The following NEXMIF variants were observed in gnomAD, a reference collection of about 807,000 sequenced individuals.
The protein encoded by NEXMIF is neurite extension and migration factor, also known as XLMR protein related to neurite extension.
A neutral mutation model predicts 62.1 loss-of-function variants in NEXMIF; 8 were observed. The ratio of observed to expected loss-of-function variants is 0.13; its 90% CI spans 0.08 to 0.23. The LOEUF is 0.23. Among genes scored for constraint, NEXMIF ranks in the 10% least tolerant of loss-of-function variants. NEXMIF has a pLI of 1.00. For synonymous variants in NEXMIF, 404 were observed against 416.6 expected (o/e 0.97, Z 0.37); for missense variants, 976 against 1,113.3 (o/e 0.88, Z 1.75).
At chrX:74,883,894 G>A (rs1284556613) in intron 1 of NEXMIF, among the ~76,000 whole-genome samples, 1 of 112,130 alleles carries the variant, frequency 8.9e-6, no homozygotes, top group Non-Finnish European at 1.9e-5. Context: ...GGCAGCCAGA[G>A]AGAAAGGTTG....
chrX:74,878,298 C>T (rs749731195), intron 1 of NEXMIF, among the ~76,000 whole-genome samples: 253 of 112,048 alleles, frequency 2.3e-3, no homozygotes, highest in African/African-American at 7.9e-3. Flanking sequence ...AGTTAGGCTG[C>T]TCAGGGGTCA....
At chrX:74,791,298 G>A (rs1179758247) in intron 1 of NEXMIF, among the ~76,000 whole-genome samples, 1 of 111,513 alleles carries the variant, frequency 9.0e-6, no homozygotes, top group Non-Finnish European at 1.9e-5. Flanking sequence ...TGTGTATATT[G>A]AACCAGCCTT....
At chrX:74,751,328 C>A (rs1439386277) in intron 1 of NEXMIF, among the ~76,000 whole-genome samples, 1 of 111,753 alleles carries the variant, frequency 8.9e-6, no homozygotes, top group South Asian at 3.8e-4. Context: ...GCTAGGTGTC[C>A]TCAGACAAGC....
chrX:74,852,073 A>G (rs547287655), intron 1 of NEXMIF, among the ~76,000 whole-genome samples: 7 of 111,408 alleles, frequency 6.3e-5, no homozygotes, highest in African/African-American at 2.3e-4. Flanking sequence ...ATAAGAACTC[A>G]TTTCACCTGT....
Position 74,874,209 on chromosome X carries a change from C to A in NEXMIF, c.-48+50674G>T, listed in dbSNP as rs1200187840. Among the ~76,000 whole-genome samples the A allele has an allele frequency of 9.2e-3, 1,003 of 109,503 alleles. 55 individuals are homozygous for A. Among genetic ancestry groups the A allele is most frequent in the Admixed American group, 0.087 (855 of 9,815 alleles). On this transcript the variant is annotated intron_variant, in intron 1 of 3. Transcript: ENST00000055682. The stretch of plus-strand genomic sequence containing the variant: ...GGGATCCAGTTTCAGCTTTCTACAT[C>A]TGGCTAGCCAGTTTTCCCAGCACCA...
Position 74,749,525 on chromosome X carries a change from T to C in NEXMIF, c.-47-3828A>G, listed in dbSNP as rs193022361. On this transcript the variant is annotated intron_variant, in intron 1 of 3. Coordinates refer to ENST00000055682, the MANE Select transcript of NEXMIF (RefSeq NM_001008537.3). ...AAATATTCTAACCCTCTCCACTCCC[T>C]TAATATTAAACCATTTGTTTTTGCT... 3.1e-3 allele frequency among the ~76,000 whole-genome samples: 348 copies of C among 111,007 alleles called. 2 individuals are homozygous for C. Among genetic ancestry groups the C allele is most frequent in the African/African-American group, 0.011 (341 of 30,495 alleles).
At chrX:74,874,367 C>A (rs1265369576) in intron 1 of NEXMIF, among the ~76,000 whole-genome samples, 29 of 106,068 alleles carry the variant, frequency 2.7e-4, no homozygotes, top group Admixed American at 2.5e-3. Flanking sequence ...TGTTTTGGTA[C>A]CAGTACCATG....
chrX:74,883,925 C>A (rs1213052744), intron 1 of NEXMIF, among the ~76,000 whole-genome samples: 1 of 112,038 alleles, frequency 8.9e-6, no homozygotes, highest in African/African-American at 3.2e-5. Context: ...AAAGGGAAGC[C>A]CATCAGACTA....
At position 74,742,674 on chromosome X, in the gene NEXMIF, C is replaced by A. The variant is rs747436946; in HGVS notation, c.1883G>T (p.Arg628Leu). 8.3e-7 allele frequency: 1 copy of A among 1,210,952 alleles called. No individual in the cohort carries two copies. The highest frequency in any genetic ancestry group is 1.1e-6 in the Non-Finnish European group (1 of 895,137). ...EVSFLPPARK[R>L]KSKLGNRHRI... ...GTGCCTGTTGCCAAGTTTAGATTTT[C>A]GTTTGCGAGCAGGTGGCAGAAATGA... The change falls in exon 3 of 4, where the codon CGA (arginine) becomes CTA (leucine). Residue 628 changes from arginine to leucine, a missense_variant. Arg to Leu is a moderately radical substitution (Grantham distance 102, BLOSUM62 -2). This residue lies in a region of NEXMIF where 639 missense variants were observed against 694.5 expected (regional missense o/e 0.92). Transcript: ENST00000055682.
intron 1 of NEXMIF, among the ~76,000 whole-genome samples, chrX:74,785,367 TATA>T (rs1395035860): frequency 9.0e-6 from 1 of 111,510 alleles, no homozygotes; most frequent in Non-Finnish European, 1.9e-5. Context: ...CTGCTCCCTA[TATA>T]ATCTTTTTTT....
chrX:74,866,596 C>T (rs1000875109), intron 1 of NEXMIF, among the ~76,000 whole-genome samples: 2 of 112,452 alleles, frequency 1.8e-5, no homozygotes, highest in African/African-American at 6.5e-5. Context: ...TGTGTCCCCA[C>T]GCAAATCTCA....
At chrX:74,885,970 C>T (rs940127221) in intron 1 of NEXMIF, among the ~76,000 whole-genome samples, 1 of 111,887 alleles carries the variant, frequency 8.9e-6, no homozygotes, top group African/African-American at 3.3e-5. Flanking sequence ...GTGCTTCATC[C>T]CTGGGATGCA....
intron 1 of NEXMIF, among the ~76,000 whole-genome samples, chrX:74,797,533 T>C (rs994098676): frequency 3.6e-5 from 4 of 112,314 alleles, no homozygotes; most frequent in African/African-American, 1.3e-4. Flanking sequence ...GTTAATAGTT[T>C]AAACAGATGT....
intron 1 of NEXMIF, among the ~76,000 whole-genome samples, chrX:74,839,836 C>T (rs1048522091): frequency 6.3e-5 from 7 of 111,954 alleles, no homozygotes; most frequent in Non-Finnish European, 1.3e-4. Flanking sequence ...TAGACTTATT[C>T]CATATCTTCA....
chrX:74,822,269 T>G (rs1000345196), intron 1 of NEXMIF, among the ~76,000 whole-genome samples: 1 of 111,961 alleles, frequency 8.9e-6, no homozygotes, highest in African/African-American at 3.2e-5. Context: ...ATCTTCTTGA[T>G]CTTGGTTAGA....
chrX:74,806,042 T>C (rs1191364296), intron 1 of NEXMIF, among the ~76,000 whole-genome samples: 1 of 111,803 alleles, frequency 8.9e-6, no homozygotes, highest in Non-Finnish European at 1.9e-5. Context: ...AACAGTTCTA[T>C]ATATTTTTTG....
chrX:74,917,760 G>T (rs1167792777), intron 1 of NEXMIF, among the ~76,000 whole-genome samples: 1 of 111,474 alleles, frequency 9.0e-6, no homozygotes, highest in Non-Finnish European at 1.9e-5. Flanking sequence ...GAGAGAAACA[G>T]ATGAAACAGA....
rs756495925 is a variant in NEXMIF, at chrX:74,883,487, T to C, written c.-48+41396A>G. ...GAGATGAAAACCATGGCATGAGAAT[T>C]ACGTGACGAATGCACAAGCCTCAGT... On this transcript the variant is annotated intron_variant, in intron 1 of 3. Transcript: ENST00000055682. Among the ~76,000 whole-genome samples, 16 of 109,016 alleles carry C rather than the reference T, an allele frequency of 1.5e-4. No individual in the cohort carries two copies. In the South Asian group the frequency reaches 5.6e-3, roughly 38 times the overall value. The allele number at this position is 109,016 out of a possible 115,157, so 94.7% of individuals were successfully genotyped here. A position where few individuals can be genotyped will look rare whatever the true frequency, so the allele number is the denominator to read the frequency against.
At chrX:74,789,165 C>T (rs1245332550) in intron 1 of NEXMIF, among the ~76,000 whole-genome samples, 1 of 91,790 alleles carries the variant, frequency 1.1e-5, no homozygotes, top group East Asian at 3.5e-4. Flanking sequence ...TGATATTCCC[C>T]TTCCTGTGTC....
Sources: gnomAD v4.1 joint callset for allele counts (sites outside exome capture counted in the v4.1 genomes callset) on GRCh38, gnomAD v4.1.1 for gene constraint, gnomAD v4.1.1 regional missense constraint, MANE v1.5 for transcripts, NCBI Gene and HGNC (gene_info 2026-07-23, HGNC 2026-07-21) for gene names.